AGBL4: variants seen among roughly 807,000 people sequenced by gnomAD.
The protein encoded by AGBL4 is cytosolic carboxypeptidase 6.
In AGBL4, 58 loss-of-function variants were observed where a neutral mutation model predicts 66.4. That is an observed-to-expected ratio of 0.87 (90% CI 0.71 to 1.09). The LOEUF (loss-of-function observed/expected upper bound fraction) is 1.09. AGBL4 is among the 50% of genes least tolerant of loss of function. AGBL4 has a pLI of 0.00. For synonymous variants in AGBL4, 234 were observed against 222.9 expected, an observed-to-expected ratio of 1.05 and a Z score of -0.44; for missense variants, 579 against 631.0, an observed-to-expected ratio of 0.92 and a Z score of 0.88.
intron 9 of AGBL4, among the ~76,000 whole-genome samples, chr1:48,610,185 C>T (rs193085487): frequency 1.6e-4 from 25 of 152,364 alleles, no homozygotes; most frequent in African/African-American, 2.6e-4. Flanking sequence ...AGCCTGACTA[C>T]GTTGTACCAC....
chr1:49,833,799 G>GT (rs1384269718), intron 2 of AGBL4, among the ~76,000 whole-genome samples: 1 of 152,052 alleles, frequency 6.6e-6, no homozygotes, highest in African/African-American at 2.4e-5. Flanking sequence ...CTGTTTGTCT[G>GT]TTATTGGTGT....
At chr1:49,156,428 C>T (rs1490804820) in intron 4 of AGBL4, among the ~76,000 whole-genome samples, 1 of 152,164 alleles carries the variant, frequency 6.6e-6, no homozygotes, top group Non-Finnish European at 1.5e-5. Flanking sequence ...TTATCTCTCA[C>T]AGTGTCTGAG....
At chr1:48,852,293 T>C (rs1400581124) in intron 6 of AGBL4, among the ~76,000 whole-genome samples, 3 of 152,184 alleles carry the variant, frequency 2.0e-5, no homozygotes, top group African/African-American at 4.8e-5. Flanking sequence ...CCCAGTAGTA[T>C]TGGGTAAGCA....
At chr1:49,752,205 G>A (rs184987796) in intron 2 of AGBL4, among the ~76,000 whole-genome samples, 1 of 152,090 alleles carries the variant, frequency 6.6e-6, no homozygotes, top group East Asian at 1.9e-4. Context: ...TTCTCATGAG[G>A]GCATTTAGTG....
At chr1:49,302,839 A>G (rs1258661621) in intron 3 of AGBL4, among the ~76,000 whole-genome samples, 2 of 151,520 alleles carry the variant, frequency 1.3e-5, no homozygotes, top group African/African-American at 2.4e-5. Flanking sequence ...GACAGGCCTC[A>G]GTGTGTGTTG....
At chr1:49,885,865 T>C (rs1321257162) in intron 1 of AGBL4, among the ~76,000 whole-genome samples, 1 of 152,144 alleles carries the variant, frequency 6.6e-6, no homozygotes, top group Non-Finnish European at 1.5e-5. Flanking sequence ...ACAGACAATA[T>C]AGTTTTGTAA....
At chr1:48,817,564 T>C (rs1646210985) in intron 6 of AGBL4, 2 of 157,410 alleles carry the variant, frequency 1.3e-5, no homozygotes, top group Admixed American at 6.2e-5. Flanking sequence ...GTATTAATCC[T>C]GTGGGTATCT....
chr1:49,083,698 C>A (rs1369172107), intron 4 of AGBL4, among the ~76,000 whole-genome samples: 1 of 152,224 alleles, frequency 6.6e-6, no homozygotes, highest in Non-Finnish European at 1.5e-5. Context: ...ATGCAAATTT[C>A]TGCAGCTCTA....
intron 2 of AGBL4, among the ~76,000 whole-genome samples, chr1:49,739,488 AT>A (rs1265597453): frequency 6.6e-6 from 1 of 152,218 alleles, no homozygotes; most frequent in Admixed American, 6.5e-5. Context: ...TCTGCAGGAT[AT>A]TATCCAGGAG....
intron 2 of AGBL4, among the ~76,000 whole-genome samples, chr1:49,720,067 T>C (rs1181175233): frequency 6.6e-6 from 1 of 152,092 alleles, no homozygotes; most frequent in East Asian, 1.9e-4. Context: ...TTCATGAATA[T>C]CCTAAAAAAT....
chr1:48,720,320 A>C (rs1647124571), intron 6 of AGBL4, among the ~76,000 whole-genome samples: 1 of 152,198 alleles, frequency 6.6e-6, no homozygotes, highest in Non-Finnish European at 1.5e-5. Flanking sequence ...AGCACAAAAG[A>C]TCTCCTGGAA....
chr1:48,598,120 T>C (rs1470895543), intron 9 of AGBL4, among the ~76,000 whole-genome samples: 4 of 152,214 alleles, frequency 2.6e-5, no homozygotes, highest in Non-Finnish European at 5.9e-5. Flanking sequence ...AGGGTCCAGA[T>C]CACACAGGGC....
chr1:49,820,448 C>T (rs533336748), intron 2 of AGBL4, among the ~76,000 whole-genome samples: 7 of 152,212 alleles, frequency 4.6e-5, no homozygotes, highest in African/African-American at 1.7e-4. Context: ...ATTGAGTTTT[C>T]CAAATCCAAA....
At chr1:49,782,396 A>G (rs1183390246) in intron 2 of AGBL4, among the ~76,000 whole-genome samples, 1 of 152,228 alleles carries the variant, frequency 6.6e-6, no homozygotes, top group African/African-American at 2.4e-5. Context: ...ACAAACTATC[A>G]AAACAGACTC....
chr1:49,690,707 T>G (rs1338301747), intron 3 of AGBL4, among the ~76,000 whole-genome samples: 1 of 152,174 alleles, frequency 6.6e-6, no homozygotes, highest in African/African-American at 2.4e-5. Flanking sequence ...ATAAGTTGAA[T>G]GACAGAGCAA....
intron 4 of AGBL4, among the ~76,000 whole-genome samples, chr1:49,207,541 CT>C (rs756906052): frequency 3.1e-3 from 158 of 50,318 alleles, no homozygotes; most frequent in East Asian, 5.0e-3. Context: ...CTTTTTCTTT[CT>C]TTTCTTTCTT....
chr1:49,845,306 C>T, intron 2 of AGBL4: 1 of 1,549,452 alleles, frequency 6.5e-7, no homozygotes, highest in Admixed American at 1.7e-5. Context: ...CACCAGAGAA[C>T]TCACACAGGC....
intron 4 of AGBL4, among the ~76,000 whole-genome samples, chr1:49,073,456 G>T (rs890288062): frequency 6.6e-6 from 1 of 150,524 alleles, no homozygotes; most frequent in African/African-American, 2.5e-5. Flanking sequence ...TTTTGTTGAT[G>T]TTGATGCTAT....
At chr1:49,597,096 T>A (rs1644866486) in intron 3 of AGBL4, among the ~76,000 whole-genome samples, 1 of 152,280 alleles carries the variant, frequency 6.6e-6, no homozygotes, top group Admixed American at 6.5e-5. Flanking sequence ...AACACCTAAT[T>A]CCCTTAGAGC....
Sources: allele counts gnomAD v4.1 joint callset (sites outside exome capture counted in the v4.1 genomes callset), GRCh38; gene constraint gnomAD v4.1.1; transcripts MANE v1.5; gene names NCBI Gene and HGNC (gene_info 2026-07-23, HGNC 2026-07-21).